Variants in ROBO1 observed in about 807,000 individuals in gnomAD.
ROBO1 encodes the protein roundabout guidance receptor 1.
In ROBO1, 149 loss-of-function variants were observed where a neutral mutation model predicts 195.9. The observed-to-expected ratio is 0.76, with a 90% CI of 0.67 to 0.87. The LOEUF (loss-of-function observed/expected upper bound fraction) is 0.87, where lower values mean the gene tolerates loss of function less well. ROBO1 is among the 40% of genes least tolerant of loss of function. The probability of loss-of-function intolerance (pLI) is 0.00; values close to 1 mark genes in which losing one functional copy is unlikely to be tolerated. For missense variants in ROBO1, 1,933 were observed against 2,068.3 expected (o/e 0.93, Z 1.27); for synonymous variants, 816 against 733.2 (o/e 1.11, Z -1.82).
At chr3:79,492,402 G>A (rs900856440) in intron 2 of ROBO1, among the ~76,000 whole-genome samples, 2 of 132,156 alleles carry the variant, frequency 1.5e-5, no homozygotes, top group African/African-American at 5.8e-5. Context: ...TCCAGCCTGG[G>A]CAATAAGAGT....
intron 3 of ROBO1, among the ~76,000 whole-genome samples, chr3:79,036,666 AAAGAG>A (rs2078385582): frequency 6.6e-6 from 1 of 152,164 alleles, no homozygotes; most frequent in East Asian, 1.9e-4. Flanking sequence ...CTGGAAAAAA[AAAGAG>A]ATATTGACTG....
chr3:79,394,667 A>C (rs1009214776), intron 2 of ROBO1, among the ~76,000 whole-genome samples: 8 of 152,146 alleles, frequency 5.3e-5, no homozygotes, highest in African/African-American at 1.7e-4. Context: ...ACACAATTTA[A>C]TAATCTAAAT....
chr3:79,556,096 T>C (rs1299060100), intron 2 of ROBO1, among the ~76,000 whole-genome samples: 3 of 152,152 alleles, frequency 2.0e-5, no homozygotes, highest in Non-Finnish European at 2.9e-5. Context: ...CAAAATGCCT[T>C]TAGTTTAGTA....
intron 5 of ROBO1, among the ~76,000 whole-genome samples, chr3:78,728,654 C>T (rs2082219838): frequency 6.6e-6 from 1 of 152,098 alleles, no homozygotes; most frequent in South Asian, 2.1e-4. Flanking sequence ...AGTACACACA[C>T]ATTGTAAAGA....
chr3:78,659,918 C>CTTTTTTTTTTTTTTTT (rs76880412), intron 16 of ROBO1, 111 bp from the exon 17 acceptor site: 1 of 371,920 alleles, frequency 2.7e-6, no homozygotes, highest in African/African-American at 3.0e-5. Flanking sequence ...TCAATATATG[C>CTTTTTTTTTTTTTTTT]TTTTTTTTTT....
At chr3:79,586,226 G>A (rs1049906736) in intron 2 of ROBO1, among the ~76,000 whole-genome samples, 3 of 151,952 alleles carry the variant, frequency 2.0e-5, no homozygotes, top group Admixed American at 6.6e-5. Context: ...GGGGTTGTAT[G>A]TATATTCATT....
intron 2 of ROBO1, among the ~76,000 whole-genome samples, chr3:79,439,669 C>T (rs1007198315): frequency 1.4e-4 from 22 of 151,966 alleles, no homozygotes; most frequent in Admixed American, 4.6e-4. Context: ...ATTTCACATA[C>T]ATAGTTTTCA....
At chr3:79,635,028 C>T (rs1004969818) in intron 1 of ROBO1, among the ~76,000 whole-genome samples, 6 of 152,174 alleles carry the variant, frequency 3.9e-5, no homozygotes, top group African/African-American at 1.2e-4. Context: ...GATATAACAA[C>T]GTATAAGATT....
intron 3 of ROBO1, among the ~76,000 whole-genome samples, chr3:79,085,313 C>G (rs2079347842): frequency 6.6e-6 from 1 of 151,998 alleles, no homozygotes; most frequent in Non-Finnish European, 1.5e-5. Flanking sequence ...AGGCATTTGC[C>G]CTGATGTCAT....
intron 3 of ROBO1, among the ~76,000 whole-genome samples, chr3:79,101,183 G>A (rs1054141141): frequency 1.3e-5 from 2 of 151,684 alleles, no homozygotes; most frequent in South Asian, 2.1e-4. Flanking sequence ...GAACGCTTTG[G>A]AGAATTGAGA....
At chr3:79,171,015 GA>G (rs1258342887) in intron 2 of ROBO1, among the ~76,000 whole-genome samples, 2 of 151,474 alleles carry the variant, frequency 1.3e-5, no homozygotes, top group African/African-American at 4.8e-5. Flanking sequence ...ATTTTTCAGG[GA>G]TATTTTGAGT....
intron 1 of ROBO1, among the ~76,000 whole-genome samples, chr3:79,619,417 C>G (rs1387371255): frequency 6.6e-6 from 1 of 152,126 alleles, no homozygotes. Context: ...GTAAATGTCT[C>G]ATTTTCTTCT....
At position 78,620,870 on chromosome 3, in the gene ROBO1, AT is replaced by A. The variant is rs1704410325; in HGVS notation, c.3876-2830del. Among the ~76,000 whole-genome samples the A allele has an allele frequency of 4.1e-5, 3 of 73,760 alleles. No homozygotes were observed. The Admixed American group carries it at 5.0e-4, about 12-fold the overall frequency. 48.4% of individuals were successfully genotyped at this position (73,760 alleles called of 152,430 possible). ...CACACACATATATAAGTGTAAATAT[AT>A]TATATATATATATGTGTGTGTGTGT... On this transcript the variant is annotated intron_variant, in intron 26 of 30. Transcript: ENST00000464233.
intron 1 of ROBO1, among the ~76,000 whole-genome samples, chr3:79,642,114 G>A (rs924496914): frequency 9.9e-5 from 15 of 152,144 alleles, no homozygotes; most frequent in African/African-American, 3.6e-4. Flanking sequence ...TCTTACAAGT[G>A]AGAAATAAAT....
At chr3:78,811,572 C>T (rs1180068269) in intron 4 of ROBO1, among the ~76,000 whole-genome samples, 5 of 152,212 alleles carry the variant, frequency 3.3e-5, no homozygotes, top group Middle Eastern at 3.4e-3. Context: ...TCCATGTTTT[C>T]GTTTGATGAG....
At chr3:79,567,110 G>C (rs1943114839) in intron 2 of ROBO1, among the ~76,000 whole-genome samples, 1 of 152,110 alleles carries the variant, frequency 6.6e-6, no homozygotes, top group Non-Finnish European at 1.5e-5. Context: ...CAGGGGCAGG[G>C]GTGGATCTGG....
chr3:79,549,635 A>G (rs1942402567), intron 2 of ROBO1, among the ~76,000 whole-genome samples: 1 of 152,208 alleles, frequency 6.6e-6, no homozygotes, highest in Non-Finnish European at 1.5e-5. Flanking sequence ...GATGTAAAGT[A>G]TATGGGAGGA....
At chr3:79,703,725 G>C (rs1277187350) in intron 1 of ROBO1, among the ~76,000 whole-genome samples, 1 of 151,842 alleles carries the variant, frequency 6.6e-6, no homozygotes, top group Non-Finnish European at 1.5e-5. Context: ...CCAATGCTTA[G>C]AGAAACAAAA....
In ROBO1 at chr3:78,891,226, C is replaced by T. The variant is rs575665613; in HGVS notation, c.499+47375G>A. Among the ~76,000 whole-genome samples, 285 of 152,214 alleles carry T rather than the reference C, an allele frequency of 1.9e-3. 1 individual carries two copies. Among genetic ancestry groups the T allele is most frequent in the African/African-American group, 6.3e-3 (263 of 41,544 alleles). On this transcript the variant is annotated intron_variant, in intron 4 of 30. Coordinates refer to ENST00000464233, the MANE Select transcript of ROBO1 (RefSeq NM_002941.4). ...ATACAATGGAAAAAATACAAAAACT[C>T]TTAGAAGGCACTGGAGAGTGACTAA... is the stretch of plus-strand genomic sequence containing the variant.
Sources: gnomAD v4.1 joint callset for allele counts (sites outside exome capture counted in the v4.1 genomes callset) on GRCh38, gnomAD v4.1.1 for gene constraint, MANE v1.5 for transcripts, NCBI Gene and HGNC (gene_info 2026-07-23, HGNC 2026-07-21) for gene names.